Variants in DCPS observed in about 807,000 individuals in gnomAD.
The protein encoded by DCPS is m7GpppX diphosphatase.
Under a neutral mutation model 34.7 loss-of-function variants are expected in DCPS, and 27 were observed. The observed-to-expected ratio is 0.78, with a 90% CI of 0.57 to 1.07. The LOEUF (loss-of-function observed/expected upper bound fraction) is 1.07. Among genes scored for constraint, DCPS ranks in the 50% least tolerant of loss-of-function variants. The probability of loss-of-function intolerance (pLI) is 0.00; values close to 1 mark genes in which losing one functional copy is unlikely to be tolerated. For missense variants in DCPS, 464 were observed against 436.9 expected (o/e 1.06, Z -0.55); for synonymous variants, 185 against 185.7 (o/e 1.00, Z 0.03).
At chr11:126,326,432 T>C (rs1263821636) in intron 2 of DCPS, among the ~76,000 whole-genome samples, 1 of 152,216 alleles carries the variant, frequency 6.6e-6, no homozygotes, top group Non-Finnish European at 1.5e-5. Context: ...TTTCCTCATA[T>C]GTAAAATGCA....
At chr11:126,310,434 T>G (rs78594198) in intron 2 of DCPS, among the ~76,000 whole-genome samples, 17 of 152,332 alleles carry the variant, frequency 1.1e-4, no homozygotes, top group Non-Finnish European at 2.4e-4. Flanking sequence ...TACCGTAGCT[T>G]CAGAGATGAG....
At chr11:126,339,406 C>T (rs748826875) in intron 4 of DCPS, among the ~76,000 whole-genome samples, 4 of 152,198 alleles carry the variant, frequency 2.6e-5, no homozygotes, top group Non-Finnish European at 5.9e-5. Context: ...CGGGCTCGCT[C>T]CCTGTGCTTT....
At chr11:126,340,622 T>A (rs528266631) in intron 4 of DCPS, among the ~76,000 whole-genome samples, 1 of 152,356 alleles carries the variant, frequency 6.6e-6, no homozygotes, top group South Asian at 2.1e-4. Context: ...TGGGCTTCTA[T>A]CCTTTGTCTT....
chr11:126,330,956 G>C (rs954660792), intron 2 of DCPS, among the ~76,000 whole-genome samples: 5 of 151,436 alleles, frequency 3.3e-5, no homozygotes, highest in Non-Finnish European at 5.9e-5. Flanking sequence ...GGCTGGTCTC[G>C]AACTCCTGAC....
At chr11:126,305,133 G>A (rs903200073) in intron 1 of DCPS, among the ~76,000 whole-genome samples, 8 of 152,152 alleles carry the variant, frequency 5.3e-5, no homozygotes, top group African/African-American at 1.4e-4. Flanking sequence ...TTTTTGAGAC[G>A]GAGTCTCTCC....
At position 126,312,343 on chromosome 11, in the gene DCPS, A is replaced by C. The variant is rs954155094; in HGVS notation, c.376+5599A>C. Among the ~76,000 whole-genome samples, 2 of 151,588 alleles carry C rather than the reference A, an allele frequency of 1.3e-5. No homozygotes were observed. Among genetic ancestry groups the C allele is most frequent in the Non-Finnish European group, 2.9e-5 (2 of 67,916 alleles). On this transcript the variant is annotated intron_variant, in intron 2 of 5. Coordinates refer to ENST00000263579, the MANE Select transcript of DCPS (RefSeq NM_014026.6). The surrounding 1 kb of genome is among the most constrained non-coding windows in gnomAD (Gnocchi z 5.1). ...TTTTTATTTTTTAATTTTTAAAATTATTTATTTATTTTTGGGGCAGAATCT... is the reference window on the plus strand; with the variant it reads ...TTTTTATTTTTTAATTTTTAAAATTCTTTATTTATTTTTGGGGCAGAATCT...
chr11:126,306,818 A>G (rs1222902283), intron 2 of DCPS, 74 bp downstream of exon 2: 55 of 1,514,678 alleles, frequency 3.6e-5, no homozygotes, highest in Non-Finnish European at 3.6e-6. Flanking sequence ...TATGGTGACC[A>G]GACTCTCTAT....
chr11:126,338,228 G>C lies in DCPS; in HGVS notation c.523-58G>C. Reference sequence around the variant, plus strand: ...GGGAATGCCCTGAGCTCAGTTTGGGGTATCTCTCAAGGGGTGATGAGTGGA... The same window carrying C: ...GGGAATGCCCTGAGCTCAGTTTGGGCTATCTCTCAAGGGGTGATGAGTGGA... On this transcript the variant is annotated intron_variant, in intron 3 of 5. Coordinates refer to ENST00000263579, the MANE Select transcript of DCPS (RefSeq NM_014026.6). The surrounding 1 kb of genome is among the most constrained non-coding windows in gnomAD (Gnocchi z 5.4). The C allele has an allele frequency of 6.5e-7, 1 of 1,539,002 alleles. No individual in the cohort carries two copies. The highest frequency in any genetic ancestry group is 9.0e-7 in the Non-Finnish European group (1 of 1,114,022).
chr11:126,335,218 G>C lies in DCPS; in HGVS notation c.523-3068G>C, dbSNP rs1385807830. Among the ~76,000 whole-genome samples the C allele has an allele frequency of 6.6e-6, 1 of 152,256 alleles. No homozygotes were observed. Among genetic ancestry groups the C allele is most frequent in the East Asian group, 1.9e-4 (1 of 5,196 alleles). On this transcript the variant is annotated intron_variant, in intron 3 of 5. Transcript: ENST00000263579. This position sits in a 1 kb window ranked among gnomAD's most constrained non-coding sequence, Gnocchi z 4.8. ...GAGAGCAGGAGGTGATGAGGAAGGA[G>C]CAAGATGTCTCACGGGAGGTCAAGG...
chr11:126,311,593 G>A (rs1951618868), intron 2 of DCPS, among the ~76,000 whole-genome samples: 1 of 152,216 alleles, frequency 6.6e-6, no homozygotes, highest in African/African-American at 2.4e-5. Context: ...ATGGGAAGAA[G>A]CCAGCTGTGC....
In DCPS at chr11:126,322,668, C is replaced by T. The variant is rs530792175; in HGVS notation, c.377-8737C>T. ...AGTGCAGTGGCACAATCTCGGCTCA[C>T]TGCAACCTCCGCCTCCGAGGTTCAA... On this transcript the variant is annotated intron_variant, in intron 2 of 5. Transcript: ENST00000263579. This position sits in a 1 kb window ranked among gnomAD's most constrained non-coding sequence, Gnocchi z 4.2. 1.3e-5 allele frequency among the ~76,000 whole-genome samples: 2 copies of T among 151,870 alleles called. No homozygotes were observed. The highest frequency in any genetic ancestry group is 2.9e-5 in the Non-Finnish European group (2 of 67,978).
chr11:126,338,707 C>T lies in DCPS; in HGVS notation c.636+308C>T, dbSNP rs1230630624. On this transcript the variant is annotated intron_variant, in intron 4 of 5. Coordinates refer to ENST00000263579, the MANE Select transcript of DCPS (RefSeq NM_014026.6). The surrounding 1 kb of genome is among the most constrained non-coding windows in gnomAD (Gnocchi z 5.4). The stretch of plus-strand genomic sequence containing the variant: ...CAAGTGGTCTGGGCAGCCACCTGTG[C>T]TTCCACCCGCATCTGGAGCCCTCGG... 2.6e-5 allele frequency among the ~76,000 whole-genome samples: 4 copies of T among 152,246 alleles called. No homozygotes were observed. The highest frequency in any genetic ancestry group is 7.2e-5 in the African/African-American group (3 of 41,468).
Position 126,334,543 on chromosome 11 carries a change from C to T in DCPS, c.522+2993C>T, listed in dbSNP as rs1157116349. Among the ~76,000 whole-genome samples the T allele has an allele frequency of 1.3e-5, 2 of 152,056 alleles. No individual in the cohort carries two copies. The highest frequency in any genetic ancestry group is 2.9e-5 in the Non-Finnish European group (2 of 68,024). ...ATTTTTAGTAGAGACGGAGTTTCAC[C>T]ATGTTGGCCAGGCTGGTCTCAAACT... On this transcript the variant is annotated intron_variant, in intron 3 of 5. Coordinates refer to ENST00000263579, the MANE Select transcript of DCPS (RefSeq NM_014026.6). The surrounding 1 kb of genome is among the most constrained non-coding windows in gnomAD (Gnocchi z 5.5).
rs558284572 is a variant in DCPS, at chr11:126,313,241, G to A, written c.376+6497G>A. 1.1e-4 allele frequency among the ~76,000 whole-genome samples: 16 copies of A among 152,278 alleles called. No homozygotes were observed. The highest frequency in any genetic ancestry group is 3.4e-4 in the African/African-American group (14 of 41,548). On this transcript the variant is annotated intron_variant, in intron 2 of 5. Transcript: ENST00000263579. This position sits in a 1 kb window ranked among gnomAD's most constrained non-coding sequence, Gnocchi z 4.9. The stretch of plus-strand genomic sequence containing the variant: ...GCAGAGGGGTGGGATCCTGGGAATC[G>A]TTTCTCTGGTTGCAGGGAACTCCCG...
Position 126,328,547 on chromosome 11 carries a change from G to T in DCPS, c.377-2858G>T, listed in dbSNP as rs1284346448. ...GGCTGGGTGAGACGCCAGTTTCCCT[G>T]CACCCTGGGTGGCTGGGGCAGGTCT... On this transcript the variant is annotated intron_variant, in intron 2 of 5. Transcript: ENST00000263579. This position sits in a 1 kb window ranked among gnomAD's most constrained non-coding sequence, Gnocchi z 6.6. 6.6e-6 allele frequency among the ~76,000 whole-genome samples: 1 copy of T among 152,168 alleles called. No individual in the cohort carries two copies. The highest frequency in any genetic ancestry group is 1.5e-5 in the Non-Finnish European group (1 of 68,010).
In DCPS at chr11:126,312,004, T is replaced by C. The variant is rs1282857333; in HGVS notation, c.376+5260T>C. 6.6e-6 allele frequency among the ~76,000 whole-genome samples: 1 copy of C among 152,158 alleles called. No homozygotes were observed. Among genetic ancestry groups the C allele is most frequent in the Non-Finnish European group, 1.5e-5 (1 of 68,024 alleles). ...AGAGTGCAATGGCGCGATATTGGCT[T>C]ACTGCAACCCCTGCCTCCCGGGTTC... On this transcript the variant is annotated intron_variant, in intron 2 of 5. Coordinates refer to ENST00000263579, the MANE Select transcript of DCPS (RefSeq NM_014026.6). The surrounding 1 kb of genome is among the most constrained non-coding windows in gnomAD (Gnocchi z 5.1).
intron 1 of DCPS, 144 bp downstream of exon 1, chr11:126,304,425 A>T: frequency 2.3e-6 from 2 of 886,834 alleles, no homozygotes; most frequent in South Asian, 3.4e-5. Context: ...ACTAGAATGC[A>T]TAGAGGGGCG....
chr11:126,304,496 T>C (rs1951547060), intron 1 of DCPS, among the ~76,000 whole-genome samples: 1 of 152,148 alleles, frequency 6.6e-6, no homozygotes, highest in South Asian at 2.1e-4. Flanking sequence ...CTCTAATTTT[T>C]CTAATGTCTC....
rs922862002 is a variant in DCPS at position 126,328,078 on chromosome 11, G to A, written c.377-3327G>A. 2.6e-5 allele frequency among the ~76,000 whole-genome samples: 4 copies of A among 152,234 alleles called. No individual in the cohort carries two copies. The highest frequency in any genetic ancestry group is 1.3e-4 in the Admixed American group (2 of 15,288). ...GTTGGGTAGGAGGGTCAGCTCGGCCGTGGGAGCGGCCAGGGCACGGCCTGG... is the reference window on the plus strand; with the variant it reads ...GTTGGGTAGGAGGGTCAGCTCGGCCATGGGAGCGGCCAGGGCACGGCCTGG... On this transcript the variant is annotated intron_variant, in intron 2 of 5. Coordinates refer to ENST00000263579, the MANE Select transcript of DCPS (RefSeq NM_014026.6). This position sits in a 1 kb window ranked among gnomAD's most constrained non-coding sequence, Gnocchi z 6.6.
Sources: allele counts gnomAD v4.1 joint callset (sites outside exome capture counted in the v4.1 genomes callset), GRCh38; gene constraint gnomAD v4.1.1; non-coding constraint Gnocchi (gnomAD v3.1); transcripts MANE v1.5; gene names NCBI Gene and HGNC (gene_info 2026-07-23, HGNC 2026-07-21).